Variants in CNTNAP2 observed in about 807,000 individuals in gnomAD.
CNTNAP2 encodes contactin associated protein 2, also known as contactin-associated protein-like 2.
In CNTNAP2, 98 loss-of-function variants were observed where a neutral mutation model predicts 155.2. The observed-to-expected ratio is 0.63, with a 90% CI of 0.54 to 0.75. The LOEUF (loss-of-function observed/expected upper bound fraction) is 0.75, where lower values mean the gene tolerates loss of function less well. CNTNAP2 is among the 30% of genes least tolerant of loss of function. CNTNAP2 has a pLI of 0.00. For synonymous variants in CNTNAP2, 651 were observed against 631.2 expected, an observed-to-expected ratio of 1.03 and a Z score of -0.47; for missense variants, 1,727 against 1,688.1, an observed-to-expected ratio of 1.02 and a Z score of -0.40.
At chr7:147,964,378 A>C (rs1801169018) in intron 14 of CNTNAP2, among the ~76,000 whole-genome samples, 1 of 152,176 alleles carries the variant, frequency 6.6e-6, no homozygotes, top group African/African-American at 2.4e-5. Context: ...ATTGGTCATC[A>C]AGATTTTGTT....
chr7:148,409,965 G>C (rs369505461), intron 23 of CNTNAP2, among the ~76,000 whole-genome samples: 1 of 88,932 alleles, frequency 1.1e-5, no homozygotes, highest in Non-Finnish European at 2.4e-5. Flanking sequence ...GCAGGAGAAT[G>C]GCGTGAACCT....
chr7:147,025,848 G>A lies in CNTNAP2; in HGVS notation c.403-18059G>A, dbSNP rs532871028. Among the ~76,000 whole-genome samples the A allele has an allele frequency of 4.1e-3, 531 of 128,672 alleles. 9 individuals carry two copies. The highest frequency in any genetic ancestry group is 0.016 in the Middle Eastern group (4 of 246). 84.4% of individuals were successfully genotyped at this position (128,672 alleles called of 152,430 possible). A position where few individuals can be genotyped will look rare whatever the true frequency, so the allele number is the denominator to read the frequency against. On this transcript the variant is annotated intron_variant, in intron 3 of 23. Coordinates refer to ENST00000361727, the MANE Select transcript of CNTNAP2 (RefSeq NM_014141.6). ...TTGTTTGACATACAGGTGTGTTGCTGTTGTTTTTTTTTTTTTTAAATTTTT... is the reference window on the plus strand; with the variant it reads ...TTGTTTGACATACAGGTGTGTTGCTATTGTTTTTTTTTTTTTTAAATTTTT...
chr7:146,537,719 C>G (rs1240539212), intron 1 of CNTNAP2, among the ~76,000 whole-genome samples: 1 of 152,050 alleles, frequency 6.6e-6, no homozygotes, highest in Non-Finnish European at 1.5e-5. Flanking sequence ...GTGAGCATTT[C>G]AGGCAGAGTT....
Position 147,446,388 on chromosome 7 carries a change from C to CA in CNTNAP2, c.1671-39547_1671-39546insA, listed in dbSNP as rs1797740792. On this transcript the variant is annotated intron_variant, in intron 10 of 23. Transcript: ENST00000361727. ...TCTTCTTGCTTTTAGCTGGGAGAGT[C>CA]CTTAAGTGTATCACTGAAAGTGGTT... is the stretch of plus-strand genomic sequence containing the variant. Among the ~76,000 whole-genome samples, 7 of 152,212 alleles carry CA rather than the reference C, an allele frequency of 4.6e-5. No homozygotes were observed. The South Asian group carries it at 1.5e-3, about 32-fold the overall frequency.
At position 146,936,750 on chromosome 7, in the gene CNTNAP2, G is replaced by A. The variant is rs554896799; in HGVS notation, c.402+96846G>A. On this transcript the variant is annotated intron_variant, in intron 3 of 23. Coordinates refer to ENST00000361727, the MANE Select transcript of CNTNAP2 (RefSeq NM_014141.6). ...ATAGACTGCTGAGTGTTTAAACTGT[G>A]TTCAAAGAGGGCAAACACTGAACTG... Among the ~76,000 whole-genome samples the A allele has an allele frequency of 8.9e-4, 136 of 152,236 alleles. 1 individual carries two copies. The highest frequency in any genetic ancestry group is 9.9e-4 in the Non-Finnish European group (67 of 68,016).
At chr7:146,157,790 T>C (rs1798151158) in intron 1 of CNTNAP2, among the ~76,000 whole-genome samples, 1 of 152,186 alleles carries the variant, frequency 6.6e-6, no homozygotes, top group Admixed American at 6.5e-5. Context: ...CCTGCCTCTG[T>C]AGACTCCACT....
chr7:146,487,273 C>T (rs1207905860), intron 1 of CNTNAP2, among the ~76,000 whole-genome samples: 1 of 152,066 alleles, frequency 6.6e-6, no homozygotes, highest in East Asian at 1.9e-4. Flanking sequence ...TATACTAATG[C>T]CCAGTTGATT....
intron 1 of CNTNAP2, among the ~76,000 whole-genome samples, chr7:146,352,979 C>T (rs1007463189): frequency 6.6e-6 from 1 of 151,930 alleles, no homozygotes; most frequent in Admixed American, 6.6e-5. Context: ...TGGTCTCGAT[C>T]TCCTGACCTC....
intron 3 of CNTNAP2, among the ~76,000 whole-genome samples, chr7:146,929,144 T>C (rs1343408773): frequency 6.6e-6 from 1 of 152,120 alleles, no homozygotes; most frequent in Non-Finnish European, 1.5e-5. Context: ...CTCAAGTGGG[T>C]CCCTGACCCC....
chr7:148,403,141 G>A (rs1799627773), intron 22 of CNTNAP2, among the ~76,000 whole-genome samples: 1 of 69,196 alleles, frequency 1.4e-5, no homozygotes, highest in African/African-American at 6.5e-5. Flanking sequence ...CCTTAGCCAG[G>A]ATGTTTACTA....
intron 15 of CNTNAP2, among the ~76,000 whole-genome samples, chr7:147,983,588 T>C (rs1801569918): frequency 6.6e-6 from 1 of 152,242 alleles, no homozygotes; most frequent in African/African-American, 2.4e-5. Context: ...TTGGTTTTTA[T>C]ATGTTTTAGA....
In CNTNAP2 at chr7:147,150,334, TAAG is replaced by T. The variant is rs373246860; in HGVS notation, c.1348+17831_1348+17833del. Among the ~76,000 whole-genome samples the T allele has an allele frequency of 1.4e-3, 212 of 152,116 alleles. 1 individual carries two copies. Among genetic ancestry groups the T allele is most frequent in the Non-Finnish European group, 2.7e-3 (181 of 67,994 alleles). On this transcript the variant is annotated intron_variant, in intron 8 of 23. Transcript: ENST00000361727. ...AAAAGACAGAGAATGGGCAATCAGA[TAAG>T]AAGAACTCAAAGAGTACTGAAAGGA...
At chr7:146,559,525 C>T (rs551831235) in intron 1 of CNTNAP2, among the ~76,000 whole-genome samples, 36 of 151,840 alleles carry the variant, frequency 2.4e-4, no homozygotes, top group Non-Finnish European at 2.4e-4. Flanking sequence ...GCCGAGATCA[C>T]GCCACTGCAC....
rs113175296 is a variant in CNTNAP2, at chr7:148,324,640, A to C, written c.3475+57514A>C. ...TGGCAAAACCCCATCTCTATTAAAA[A>C]TACAAAAATTAGCTGGGCATGGTGG... On this transcript the variant is annotated intron_variant, in intron 21 of 23. Coordinates refer to ENST00000361727, the MANE Select transcript of CNTNAP2 (RefSeq NM_014141.6). Among the ~76,000 whole-genome samples, 236 of 152,184 alleles carry C rather than the reference A, an allele frequency of 1.6e-3. 1 individual carries two copies. The highest frequency in any genetic ancestry group is 5.5e-3 in the African/African-American group (230 of 41,524).
chr7:147,026,575 T>A (rs13222990), intron 3 of CNTNAP2, among the ~76,000 whole-genome samples: 15,372 of 151,960 alleles, frequency 0.1, 862 homozygotes, highest in Middle Eastern at 0.15. Flanking sequence ...AACACTGAGT[T>A]CATTCTTGGA....
At chr7:147,895,010 G>A (rs1306061885) in intron 13 of CNTNAP2, among the ~76,000 whole-genome samples, 7 of 103,932 alleles carry the variant, frequency 6.7e-5, no homozygotes, top group East Asian at 5.9e-4. Flanking sequence ...TTACTCTGTC[G>A]CCCAGGCTGG....
chr7:146,200,678 A>T (rs1257156024), intron 1 of CNTNAP2, among the ~76,000 whole-genome samples: 1 of 152,208 alleles, frequency 6.6e-6, no homozygotes. Context: ...GAGAAATAGG[A>T]CATGCCATAT....
intron 3 of CNTNAP2, among the ~76,000 whole-genome samples, chr7:147,002,631 A>G (rs777262039): frequency 1.3e-5 from 2 of 152,010 alleles, no homozygotes; most frequent in Non-Finnish European, 2.9e-5. Context: ...TCAATAACAG[A>G]AATTTATTTC....
intron 1 of CNTNAP2, among the ~76,000 whole-genome samples, chr7:146,628,289 T>C (rs1799453541): frequency 6.6e-6 from 1 of 152,112 alleles, no homozygotes; most frequent in South Asian, 2.1e-4. Flanking sequence ...AACAAAATTT[T>C]AGAGCACCTT....
Sources: gnomAD v4.1 joint callset for allele counts (sites outside exome capture counted in the v4.1 genomes callset) on GRCh38, gnomAD v4.1.1 for gene constraint, MANE v1.5 for transcripts, NCBI Gene and HGNC (gene_info 2026-07-23, HGNC 2026-07-21) for gene names.